ROBO1: variants seen among roughly 807,000 people sequenced by gnomAD.
ROBO1 encodes the protein roundabout guidance receptor 1.
A neutral mutation model predicts 195.9 loss-of-function variants in ROBO1; 149 were observed. The ratio of observed to expected loss-of-function variants is 0.76; its 90% CI spans 0.67 to 0.87. The LOEUF (loss-of-function observed/expected upper bound fraction) is 0.87. Among genes scored for constraint, ROBO1 ranks in the 40% least tolerant of loss-of-function variants. The probability of loss-of-function intolerance (pLI) is 0.00; values close to 1 mark genes in which losing one functional copy is unlikely to be tolerated. For missense variants in ROBO1, 1,933 were observed against 2,068.3 expected (o/e 0.93, Z 1.27); for synonymous variants, 816 against 733.2 (o/e 1.11, Z -1.82).
At chr3:79,390,337 A>C (rs1325725813) in intron 2 of ROBO1, among the ~76,000 whole-genome samples, 2 of 152,112 alleles carry the variant, frequency 1.3e-5, no homozygotes, top group African/African-American at 2.4e-5. Flanking sequence ...GGGATATAAG[A>C]TTGGGAGTTA....
chr3:78,725,139 C>A (rs948436797), intron 5 of ROBO1, among the ~76,000 whole-genome samples: 6 of 152,130 alleles, frequency 3.9e-5, no homozygotes, highest in Admixed American at 1.3e-4. Context: ...ATATACCTTA[C>A]CAGCCCACAA....
At chr3:79,153,658 A>G (rs761207915) in intron 2 of ROBO1, among the ~76,000 whole-genome samples, 1 of 150,244 alleles carries the variant, frequency 6.7e-6, no homozygotes, top group Non-Finnish European at 1.5e-5. Context: ...CTCTGCAAAT[A>G]TACTCGTCTG....
At chr3:78,991,900 C>A (rs1305610125) in intron 3 of ROBO1, among the ~76,000 whole-genome samples, 5 of 151,610 alleles carry the variant, frequency 3.3e-5, no homozygotes, top group Non-Finnish European at 7.4e-5. Context: ...AAATACTAGA[C>A]AATAAACTCT....
At chr3:78,981,826 A>ACACAC (rs1559556530) in intron 3 of ROBO1, among the ~76,000 whole-genome samples, 4 of 135,458 alleles carry the variant, frequency 3.0e-5, no homozygotes, top group African/African-American at 1.2e-4. Context: ...CACACACACA[A>ACACAC]AAACACACCC....
At chr3:79,444,980 A>G (rs546203471) in intron 2 of ROBO1, among the ~76,000 whole-genome samples, 18 of 151,932 alleles carry the variant, frequency 1.2e-4, no homozygotes, top group Non-Finnish European at 2.2e-4. Flanking sequence ...GGCAGGGATG[A>G]ATGAAGAAGA....
intron 2 of ROBO1, among the ~76,000 whole-genome samples, chr3:79,175,079 A>G (rs1439448784): frequency 6.6e-6 from 1 of 152,144 alleles, no homozygotes; most frequent in Non-Finnish European, 1.5e-5. Flanking sequence ...TTTATTTTTC[A>G]TTTTAAATTG....
chr3:79,441,877 A>G (rs2039065715), intron 2 of ROBO1, among the ~76,000 whole-genome samples: 1 of 152,112 alleles, frequency 6.6e-6, no homozygotes, highest in African/African-American at 2.4e-5. Context: ...TATAACCACA[A>G]CATAAAATGA....
At chr3:78,985,884 A>G (rs1559560185) in intron 3 of ROBO1, among the ~76,000 whole-genome samples, 1 of 152,320 alleles carries the variant, frequency 6.6e-6, no homozygotes, top group South Asian at 2.1e-4. Context: ...CTAGTCAAAT[A>G]TCAGCTATAC....
In ROBO1 at chr3:78,930,259, T is replaced by A. The variant is rs569611254; in HGVS notation, c.499+8342A>T. ...ACACAGGAAGTAAAATATTTCTGAG[T>A]TCCATGTTAGATCACTTCACTTCCA... On this transcript the variant is annotated intron_variant, in intron 4 of 30. Coordinates refer to ENST00000464233, the MANE Select transcript of ROBO1 (RefSeq NM_002941.4). 3.3e-5 allele frequency among the ~76,000 whole-genome samples: 5 copies of A among 152,308 alleles called. No individual in the cohort carries two copies. In the South Asian group the frequency reaches 1.0e-3, roughly 32 times the overall value.
intron 2 of ROBO1, among the ~76,000 whole-genome samples, chr3:79,352,879 T>C (rs951700270): frequency 6.6e-6 from 1 of 152,318 alleles, no homozygotes; most frequent in South Asian, 2.1e-4. Context: ...ATTCATTATA[T>C]ATATATACAC....
intron 2 of ROBO1, among the ~76,000 whole-genome samples, chr3:79,363,959 C>T (rs1297342349): frequency 2.0e-5 from 3 of 152,066 alleles, no homozygotes; most frequent in Non-Finnish European, 4.4e-5. Flanking sequence ...AATCCCAGCA[C>T]TTTGGGAGGC....
At chr3:79,452,221 C>A (rs2039465735) in intron 2 of ROBO1, among the ~76,000 whole-genome samples, 1 of 152,038 alleles carries the variant, frequency 6.6e-6, no homozygotes, top group Non-Finnish European at 1.5e-5. Flanking sequence ...CTATACATGT[C>A]TTTTATGTTT....
Position 79,756,895 on chromosome 3 carries a change from T to A in ROBO1, c.-51+10857A>T, listed in dbSNP as rs776546925. Among the ~76,000 whole-genome samples, 35 of 152,218 alleles carry A rather than the reference T, an allele frequency of 2.3e-4. 1 individual carries two copies. The highest frequency in any genetic ancestry group is 7.8e-4 in the Admixed American group (12 of 15,290). On this transcript the variant is annotated intron_variant, in intron 1 of 30. Coordinates refer to ENST00000464233, the MANE Select transcript of ROBO1 (RefSeq NM_002941.4). Reference sequence around the variant, plus strand: ...GATTATTCTAGGTACCTCATATAAGTGGAACCACATAATATTTATCCTGTT... The same window carrying A: ...GATTATTCTAGGTACCTCATATAAGAGGAACCACATAATATTTATCCTGTT...
intron 1 of ROBO1, among the ~76,000 whole-genome samples, chr3:79,699,048 A>G (rs1410504689): frequency 6.7e-6 from 1 of 149,982 alleles, no homozygotes; most frequent in East Asian, 2.0e-4. Context: ...GAGATCATTA[A>G]AGGACGTTTA....
chr3:79,210,953 T>C (rs2081957115), intron 2 of ROBO1, among the ~76,000 whole-genome samples: 1 of 152,120 alleles, frequency 6.6e-6, no homozygotes, highest in African/African-American at 2.4e-5. Flanking sequence ...ATAGTATCTC[T>C]GGAATTAAAT....
At position 79,151,640 on chromosome 3, in the gene ROBO1, T is replaced by C. The variant is rs1188111069; in HGVS notation, c.89-26101A>G. Among the ~76,000 whole-genome samples the C allele has an allele frequency of 2.6e-5, 4 of 151,780 alleles. No homozygotes were observed. The South Asian group carries it at 8.3e-4, about 31-fold the overall frequency. ...TAACTTTAAATGACTTTCTAATATATTGAGAATAAAATGAAATTTTCTTCT... is the reference window on the plus strand; with the variant it reads ...TAACTTTAAATGACTTTCTAATATACTGAGAATAAAATGAAATTTTCTTCT... On this transcript the variant is annotated intron_variant, in intron 2 of 30. Coordinates refer to ENST00000464233, the MANE Select transcript of ROBO1 (RefSeq NM_002941.4).
At chr3:79,394,029 A>C (rs1575766845) in intron 2 of ROBO1, among the ~76,000 whole-genome samples, 2 of 152,310 alleles carry the variant, frequency 1.3e-5, no homozygotes, top group South Asian at 2.1e-4. Context: ...CTGAAGATTT[A>C]GCTTTCCCTT....
chr3:79,287,359 A>G (rs1393416948), intron 2 of ROBO1, among the ~76,000 whole-genome samples: 1 of 152,178 alleles, frequency 6.6e-6, no homozygotes, highest in Non-Finnish European at 1.5e-5. Flanking sequence ...TGAGTCACAG[A>G]TGGCACAGGA....
chr3:79,457,956 G>T (rs1283145222), intron 2 of ROBO1, among the ~76,000 whole-genome samples: 2 of 152,084 alleles, frequency 1.3e-5, no homozygotes, highest in Non-Finnish European at 2.9e-5. Flanking sequence ...ACAGTTTGGG[G>T]AGTAATTACA....
Sources: gnomAD v4.1 joint callset for allele counts (sites outside exome capture counted in the v4.1 genomes callset) on GRCh38, gnomAD v4.1.1 for gene constraint, MANE v1.5 for transcripts, NCBI Gene and HGNC (gene_info 2026-07-23, HGNC 2026-07-21) for gene names.